Variants in LRRC31 observed in about 807,000 individuals in gnomAD.
LRRC31 encodes the protein leucine-rich repeat-containing protein 31.
In LRRC31, 35 loss-of-function variants were observed where a neutral mutation model predicts 46.7. The observed-to-expected ratio is 0.75, with a 90% confidence interval of 0.57 to 0.99. The LOEUF is 0.99. Among genes scored for constraint, LRRC31 ranks in the 50% least tolerant of loss-of-function variants. LRRC31 has a pLI of 0.00. For missense variants in LRRC31, 613 were observed against 626.1 expected, an observed-to-expected ratio of 0.98 and a Z score of 0.22; for synonymous variants, 236 against 235.1, an observed-to-expected ratio of 1.00 and a Z score of -0.03.
chr3:169,856,596 C>T (rs569115357), intron 4 of LRRC31, 93 bp from the exon 5 acceptor site: 4 of 1,352,066 alleles, frequency 3.0e-6, no homozygotes, highest in Admixed American at 2.8e-5. Context: ...ACTCCACTCC[C>T]CTCCTACATA....
chr3:169,845,896 C>G (rs1482931155), intron 8 of LRRC31, among the ~76,000 whole-genome samples: 1 of 152,010 alleles, frequency 6.6e-6, no homozygotes, highest in Non-Finnish European at 1.5e-5. Context: ...AAAACACTAT[C>G]AAGAGAATGA....
rs769915295 is a variant in LRRC31, at chr3:169,840,008, G to T, written c.1633C>A (p.His545Asn). 2.5e-6 allele frequency: 4 copies of T among 1,613,144 alleles called. No homozygotes were observed. Among genetic ancestry groups the T allele is most frequent in the Non-Finnish European group, 3.4e-6 (4 of 1,179,600 alleles). The change falls in exon 9 of 9, where the codon CAC becomes AAC. Residue 545 changes from histidine to asparagine, a missense_variant. Coordinates refer to ENST00000316428, the MANE Select transcript of LRRC31 (RefSeq NM_024727.4). Reference sequence around the variant, plus strand: ...TACTGAAACCCACCATGGTCAAAGTGAATGCTTCTTTTTTTATCTTGGTCA... The same window carrying T: ...TACTGAAACCCACCATGGTCAAAGTTAATGCTTCTTTTTTTATCTTGGTCA... ...CFDQDKKRSI[H>N]FDHGGFQ
chr3:169,840,356 T>C lies in LRRC31; in HGVS notation c.1328-43A>G, dbSNP rs1279695848. On this transcript the variant is annotated intron_variant, in intron 8 of 8. Coordinates refer to ENST00000316428, the MANE Select transcript of LRRC31 (RefSeq NM_024727.4). ...TCTAAATGCTAACATACAAGAATAC[T>C]GTCTGCCATGGCTATTCCCATTTCC... 10 of 1,587,370 alleles carry C rather than the reference T, an allele frequency of 6.3e-6. No individual in the cohort carries two copies. The Admixed American group carries it at 1.4e-4, about 22-fold the overall frequency.
rs773961335 is a variant in LRRC31, at chr3:169,856,699, A to G, written c.655+6T>C. The G allele has an allele frequency of 7.1e-6, 11 of 1,548,230 alleles. No individual in the cohort carries two copies. The highest frequency in any genetic ancestry group is 8.7e-6 in the Non-Finnish European group (10 of 1,147,558). On this transcript the variant is annotated splice_donor_region_variant and intron_variant, in intron 4 of 8. Coordinates refer to ENST00000316428, the MANE Select transcript of LRRC31 (RefSeq NM_024727.4). ...CTTTTTTTTTTTCTCTTCAAATTCC[A>G]CTTACCCAGAAATGTCCCATCTTCT...
intron 1 of LRRC31, among the ~76,000 whole-genome samples, chr3:169,867,061 T>G (rs1781356878): frequency 7.1e-6 from 1 of 141,612 alleles, no homozygotes; most frequent in Non-Finnish European, 1.5e-5. Flanking sequence ...GTTTGTTTGT[T>G]TTTTTTTTTT....
chr3:169,856,431 A>G lies in LRRC31; in HGVS notation c.728T>C (p.Leu243Pro). 1 of 1,608,348 alleles carries G rather than the reference A, an allele frequency of 6.2e-7. No homozygotes were observed. ...LSINRDIVGS[L>P]NSIAQGLKST... Reference sequence around the variant, plus strand: ...TTTTAATCCCTGAGCAATACTGTTCAGACTGCCAACAATGTCTCTGTTAAT... The same window carrying G: ...TTTTAATCCCTGAGCAATACTGTTCGGACTGCCAACAATGTCTCTGTTAAT... The change falls in exon 5 of 9, where the codon CTG (leucine) becomes CCG (proline). Residue 243 changes from leucine (L) to proline (P), a missense_variant. By Grantham distance (98) the Leu-to-Pro change is moderately conservative (BLOSUM62 -3). Coordinates refer to ENST00000316428, the MANE Select transcript of LRRC31 (RefSeq NM_024727.4).
At chr3:169,853,133 G>T in intron 6 of LRRC31, 2 of 757,852 alleles carry the variant, frequency 2.6e-6, no homozygotes, top group Non-Finnish European at 3.2e-6. Context: ...GTTTACTCCT[G>T]CCCTTGCCAT....
intron 1 of LRRC31, among the ~76,000 whole-genome samples, chr3:169,869,279 G>A (rs1335600961): frequency 6.6e-6 from 1 of 151,896 alleles, no homozygotes; most frequent in Non-Finnish European, 1.5e-5. Context: ...GCTGAGGCAG[G>A]AGAATCGCTT....
chr3:169,862,699 T>C (rs1219496877), intron 1 of LRRC31, among the ~76,000 whole-genome samples: 2 of 151,966 alleles, frequency 1.3e-5, no homozygotes, highest in African/African-American at 4.8e-5. Flanking sequence ...AGGCAGAGAT[T>C]GCAGTAAGCT....
intron 6 of LRRC31, 29 bp downstream of exon 6, chr3:169,854,784 C>T (rs1040341893): frequency 1.9e-6 from 3 of 1,552,314 alleles, no homozygotes; most frequent in Non-Finnish European, 2.6e-6. Flanking sequence ...TTCCAAAAGT[C>T]TTTCCTTTGC....
chr3:169,858,658 A>G (rs1376621802), intron 3 of LRRC31, among the ~76,000 whole-genome samples: 1 of 152,168 alleles, frequency 6.6e-6, no homozygotes, highest in Admixed American at 6.5e-5. Context: ...ATATAAGAAA[A>G]CCGAGGCTCA....
rs139328562 is a variant in LRRC31 at position 169,867,673 on chromosome 3, G to T, written c.175+1960C>A. 2.5e-3 allele frequency among the ~76,000 whole-genome samples: 385 copies of T among 152,208 alleles called. 2 individuals carry two copies. Among genetic ancestry groups the T allele is most frequent in the African/African-American group, 9.1e-3 (377 of 41,532 alleles). On this transcript the variant is annotated intron_variant, in intron 1 of 8. Transcript: ENST00000316428. ...CAGGCATGAAACACCATGCCCAACTGATAATTACTAAAAGTAGGTGACTAT... is the reference window on the plus strand; with the variant it reads ...CAGGCATGAAACACCATGCCCAACTTATAATTACTAAAAGTAGGTGACTAT...
intron 6 of LRRC31, among the ~76,000 whole-genome samples, chr3:169,852,427 A>AAAAAAAAAC (rs1560626289): frequency 7.4e-6 from 1 of 134,316 alleles, no homozygotes; most frequent in Admixed American, 7.4e-5. Context: ...AAAAAAAAAA[A>AAAAAAAAAC]AAAACTCTTA....
chr3:169,857,254 G>C (rs1330339419), intron 3 of LRRC31, among the ~76,000 whole-genome samples: 6 of 147,122 alleles, frequency 4.1e-5, no homozygotes, highest in Non-Finnish European at 7.4e-5. Flanking sequence ...ATAGAAGTGA[G>C]GCAAAGCAGA....
chr3:169,842,032 A>G (rs560590811), intron 8 of LRRC31, among the ~76,000 whole-genome samples: 2 of 152,198 alleles, frequency 1.3e-5, no homozygotes, highest in African/African-American at 4.8e-5. Flanking sequence ...GTGACACAGC[A>G]AGACTCCCTC....
At chr3:169,860,977 G>A (rs890700343) in intron 2 of LRRC31, among the ~76,000 whole-genome samples, 7 of 151,978 alleles carry the variant, frequency 4.6e-5, no homozygotes, top group Admixed American at 4.6e-4. Context: ...AAATGCAGGA[G>A]TGTGTCTGTA....
chr3:169,859,793 A>G (rs1781089234), intron 3 of LRRC31, among the ~76,000 whole-genome samples: 1 of 152,174 alleles, frequency 6.6e-6, no homozygotes, highest in African/African-American at 2.4e-5. Flanking sequence ...TAACTCCTCT[A>G]TTTTACACAT....
chr3:169,855,119 A>G, intron 5 of LRRC31, 139 bp from the exon 6 acceptor site: 1 of 624,444 alleles, frequency 1.6e-6, no homozygotes, highest in Admixed American at 2.9e-5. Flanking sequence ...AGTGAGATCC[A>G]TCTCTTAAAA....
At chr3:169,853,140 C>T (rs1402271781) in intron 6 of LRRC31, 2 of 827,826 alleles carry the variant, frequency 2.4e-6, no homozygotes, top group Non-Finnish European at 2.9e-6. Context: ...CCTGCCCTTG[C>T]CATACCGAAG....
Sources: gnomAD v4.1 joint callset for allele counts (sites outside exome capture counted in the v4.1 genomes callset) on GRCh38, gnomAD v4.1.1 for gene constraint, MANE v1.5 for transcripts, NCBI Gene and HGNC (gene_info 2026-07-23, HGNC 2026-07-21) for gene names.